Variants in TENM2 observed in about 807,000 individuals in gnomAD.
The protein encoded by TENM2 is teneurin transmembrane protein 2.
TENM2 carries 52 observed loss-of-function variants against 245.2 expected under a neutral mutation model. The observed-to-expected ratio is 0.21, with a 90% CI of 0.17 to 0.27. The LOEUF (loss-of-function observed/expected upper bound fraction) is 0.27. Ranked by LOEUF, TENM2 falls within the 10% of genes least tolerant of loss-of-function variation. TENM2 has a pLI of 1.00. For synonymous variants in TENM2, 1,363 were observed against 1,438.9 expected, an observed-to-expected ratio of 0.95 and a Z score of 1.19; for missense variants, 3,046 against 3,666.8, an observed-to-expected ratio of 0.83 and a Z score of 4.37.
At chr5:167,518,397 T>C (rs976772626) in intron 2 of TENM2, among the ~76,000 whole-genome samples, 1 of 152,118 alleles carries the variant, frequency 6.6e-6, no homozygotes. Flanking sequence ...GACCATAAGA[T>C]TAGAGAAATT....
chr5:167,976,331 C>T (rs184167799), intron 4 of TENM2, among the ~76,000 whole-genome samples: 22 of 152,034 alleles, frequency 1.4e-4, no homozygotes, highest in East Asian at 1.4e-3. Flanking sequence ...ACCAGTTTTA[C>T]GGCTGAGAAG....
At chr5:167,136,879 T>G in the TENM2 span, among the ~76,000 whole-genome samples, 1 of 152,220 alleles carries the variant, frequency 6.6e-6, no homozygotes. Flanking sequence ...ATTTTCTGAC[T>G]GTATTAGTCT....
chr5:167,893,611 A>T (rs925681932), intron 3 of TENM2, among the ~76,000 whole-genome samples: 2 of 151,880 alleles, frequency 1.3e-5, no homozygotes, highest in Non-Finnish European at 2.9e-5. Flanking sequence ...CACAGGAAAC[A>T]AACAAAAAAG....
intron 1 of TENM2, among the ~76,000 whole-genome samples, chr5:167,372,416 G>T (rs1287944959): frequency 3.3e-5 from 5 of 152,180 alleles, no homozygotes; most frequent in Non-Finnish European, 5.9e-5. Context: ...TGTACTCCAT[G>T]TCCTCCCATG....
chr5:167,389,247 AAAAT>A (rs1255161167), intron 2 of TENM2, among the ~76,000 whole-genome samples: 1 of 114,894 alleles, frequency 8.7e-6, no homozygotes, highest in Admixed American at 8.2e-5. Context: ...TAGTGCATTT[AAAAT>A]ATATATATAT....
chr5:167,754,020 C>T (rs1762123951), intron 2 of TENM2, among the ~76,000 whole-genome samples: 1 of 151,458 alleles, frequency 6.6e-6, no homozygotes, highest in Admixed American at 6.6e-5. Context: ...GTAGAATTTA[C>T]TTTGTCTGCC....
the TENM2 span, among the ~76,000 whole-genome samples, chr5:167,004,081 T>C: frequency 2.0e-5 from 3 of 152,340 alleles, no homozygotes; most frequent in East Asian, 3.9e-4. Context: ...AATGCTTTCA[T>C]TCAAAACCAA....
chr5:167,723,232 A>G (rs1182059795), intron 2 of TENM2, among the ~76,000 whole-genome samples: 5 of 152,162 alleles, frequency 3.3e-5, no homozygotes, highest in Non-Finnish European at 5.9e-5. Flanking sequence ...ACATCCTTGC[A>G]TGGTGACTTT....
the TENM2 span, among the ~76,000 whole-genome samples, chr5:167,165,785 A>G: frequency 6.6e-6 from 1 of 152,230 alleles, no homozygotes; most frequent in Non-Finnish European, 1.5e-5. Context: ...AAGATGTACA[A>G]ATAATCATAC....
At chr5:167,165,434 C>T in the TENM2 span, 1 of 152,054 alleles carries the variant, frequency 6.6e-6, no homozygotes, top group Non-Finnish European at 1.5e-5. Context: ...AAATAGCGGG[C>T]CTAATTTTTA....
At chr5:167,637,073 C>G (rs1779249573) in intron 2 of TENM2, among the ~76,000 whole-genome samples, 2 of 152,118 alleles carry the variant, frequency 1.3e-5, no homozygotes, top group Admixed American at 6.5e-5. Flanking sequence ...ATGGGGGAAA[C>G]AAAATCATCT....
chr5:167,758,927 A>T (rs1445248986), intron 2 of TENM2, among the ~76,000 whole-genome samples: 1 of 151,794 alleles, frequency 6.6e-6, no homozygotes, highest in Non-Finnish European at 1.5e-5. Flanking sequence ...TGTCTCCTTA[A>T]CCCTATTCTA....
intron 2 of TENM2, among the ~76,000 whole-genome samples, chr5:167,842,095 A>G (rs1404645528): frequency 6.6e-6 from 1 of 152,074 alleles, no homozygotes; most frequent in African/African-American, 2.4e-5. Flanking sequence ...CCTAAGGCTC[A>G]CTGCTCTTAC....
intron 12 of TENM2, among the ~76,000 whole-genome samples, chr5:168,144,346 A>G (rs1483871732): frequency 4.0e-5 from 6 of 151,456 alleles, no homozygotes; most frequent in Non-Finnish European, 8.8e-5. Flanking sequence ...CCACCCCACA[A>G]CAGTCCCCAA....
Position 167,625,974 on chromosome 5 carries a change from AAAG to A in TENM2, c.503-250004_503-250002del, listed in dbSNP as rs751430000. ...CCACCAAAGCAGCGGAGTCAAGAGAAAAGAAGAAGACATCTCTTCTATGACCCA... is the reference window on the plus strand; with the variant it reads ...CCACCAAAGCAGCGGAGTCAAGAGAAAAGAAGACATCTCTTCTATGACCCA... On this transcript the variant is annotated intron_variant, in intron 2 of 28. Coordinates refer to ENST00000518659, the Ensembl canonical transcript of TENM2. 3.3e-5 allele frequency among the ~76,000 whole-genome samples: 5 copies of A among 152,254 alleles called. No individual in the cohort carries two copies. In the South Asian group the frequency reaches 8.3e-4, roughly 25 times the overall value.
intron 2 of TENM2, among the ~76,000 whole-genome samples, chr5:167,410,446 A>G (rs1044491020): frequency 4.6e-5 from 7 of 152,046 alleles, no homozygotes; most frequent in African/African-American, 1.7e-4. Flanking sequence ...TCTTTGCAGC[A>G]TCTTTATCAT....
At chr5:167,064,317 A>G in the TENM2 span, among the ~76,000 whole-genome samples, 1 of 152,188 alleles carries the variant, frequency 6.6e-6, no homozygotes, top group African/African-American at 2.4e-5. Context: ...TCAAAAATTT[A>G]TGGAAAATGT....
At chr5:168,220,463 A>G (rs1693714288) in intron 23 of TENM2, among the ~76,000 whole-genome samples, 1 of 152,196 alleles carries the variant, frequency 6.6e-6, no homozygotes, top group Non-Finnish European at 1.5e-5. Flanking sequence ...CATGACTCGT[A>G]ATTGTGTTTT....
At chr5:167,205,714 T>C in the TENM2 span, among the ~76,000 whole-genome samples, 3 of 152,132 alleles carry the variant, frequency 2.0e-5, no homozygotes, top group African/African-American at 4.8e-5. Context: ...TTGGGCACAG[T>C]GTAGCTTAGC....
Sources: allele counts gnomAD v4.1 joint callset (sites outside exome capture counted in the v4.1 genomes callset), GRCh38; gene constraint gnomAD v4.1.1; transcripts MANE v1.5; gene names NCBI Gene and HGNC (gene_info 2026-07-23, HGNC 2026-07-21).